The following PPP4R3A variants were observed in gnomAD, a reference collection of about 807,000 sequenced individuals.
The protein encoded by PPP4R3A is serine/threonine-protein phosphatase 4 regulatory subunit 3A.
Under a neutral mutation model 91.7 loss-of-function variants are expected in PPP4R3A, and 15 were observed. That is an observed-to-expected ratio of 0.16 (90% CI 0.11 to 0.25). PPP4R3A has a LOEUF of 0.25. Among genes scored for constraint, PPP4R3A ranks in the 10% least tolerant of loss-of-function variants. The probability of loss-of-function intolerance (pLI) is 1.00; values close to 1 mark genes in which losing one functional copy is unlikely to be tolerated. For missense variants in PPP4R3A, 623 were observed against 998.4 expected (o/e 0.62, Z 5.07); for synonymous variants, 377 against 348.7 (o/e 1.08, Z -0.91).
At chr14:91,502,320 G>A (rs778547564) in intron 1 of PPP4R3A, among the ~76,000 whole-genome samples, 23 of 152,074 alleles carry the variant, frequency 1.5e-4, no homozygotes, top group Middle Eastern at 3.2e-3. Flanking sequence ...CAGCTACTTG[G>A]GAGGCTAAGG....
intron 1 of PPP4R3A, among the ~76,000 whole-genome samples, chr14:91,499,228 G>A (rs911085517): frequency 2.6e-5 from 4 of 151,250 alleles, no homozygotes; most frequent in African/African-American, 9.7e-5. Context: ...TCACACCACT[G>A]CACTCCAGCC....
At chr14:91,492,994 G>A (rs1339027755) in intron 1 of PPP4R3A, among the ~76,000 whole-genome samples, 1 of 152,206 alleles carries the variant, frequency 6.6e-6, no homozygotes, top group Admixed American at 6.5e-5. Flanking sequence ...GGGAAGCTGA[G>A]GTGGGAGGAT....
chr14:91,509,400 C>G (rs571631085), intron 1 of PPP4R3A, 106 bp downstream of exon 1: 6 of 1,481,160 alleles, frequency 4.1e-6, no homozygotes, highest in African/African-American at 1.4e-5. Context: ...CCCTCCCCAG[C>G]CGTCCCTCTG....
rs115153838 is a variant in PPP4R3A at position 91,476,894 on chromosome 14, T to C, written c.993+15A>G. 1,608 of 1,573,230 alleles carry C rather than the reference T, an allele frequency of 1.0e-3. 11 individuals carry two copies. In the African/African-American group the frequency reaches 0.019, roughly 19 times the overall value. On this transcript the variant is annotated intron_variant, in intron 5 of 14. Coordinates refer to ENST00000554943, the MANE Select transcript of PPP4R3A (RefSeq NM_001366432.2). ...TGTTTTATTTTTATGCCTTTCATAG[T>C]ATCTAATTTCTTACCAATTCCTGTC...
chr14:91,480,124 C>A (rs866356029), intron 4 of PPP4R3A, among the ~76,000 whole-genome samples: 10 of 151,928 alleles, frequency 6.6e-5, no homozygotes, highest in African/African-American at 2.4e-5. Flanking sequence ...CCTAAAACAC[C>A]AGATCAGAGA....
chr14:91,507,447 T>TAGTATATATACTATAATTATACTAC (rs1566660458), intron 1 of PPP4R3A, among the ~76,000 whole-genome samples: 1 of 111,136 alleles, frequency 9.0e-6, no homozygotes, highest in Non-Finnish European at 1.9e-5. Context: ...ATATATACTA[T>TAGTATATATACTATAATTATACTAC]ATAGTATATA....
Position 91,509,537 on chromosome 14 carries a change from G to T in PPP4R3A, c.111C>A (p.Gly37=). ...VSSGYVERLK[G]MSLLVRAESD... is the part of the protein sequence containing the mutation. Reference sequence around the variant, plus strand: ...TCTCAGCCCTGACAAGCAGGGACATGCCCTTCAGCCGCTCCACGTAGCCAG... The same window carrying T: ...TCTCAGCCCTGACAAGCAGGGACATTCCCTTCAGCCGCTCCACGTAGCCAG... The change falls in exon 1 of 15, where the codon GGC becomes GGA. Residue 37 remains glycine (G), a synonymous_variant. Transcript: ENST00000554943. 1 of 1,598,338 alleles carries T rather than the reference G, an allele frequency of 6.3e-7. No homozygotes were observed.
intron 1 of PPP4R3A, among the ~76,000 whole-genome samples, chr14:91,503,990 G>A (rs752259033): frequency 3.3e-5 from 5 of 151,930 alleles, no homozygotes; most frequent in African/African-American, 7.3e-5. Context: ...CACTTTAGGC[G>A]GCCAAGTGGG....
At chr14:91,466,380 A>G in intron 10 of PPP4R3A, 1 of 985,834 alleles carries the variant, frequency 1.0e-6, no homozygotes, top group Non-Finnish European at 1.2e-6. Context: ...CAAGTCCTTC[A>G]TGAGCAGGTA....
chr14:91,509,948 C>A lies in PPP4R3A; in HGVS notation c.-301G>T, dbSNP rs1018036754. Reference sequence around the variant, plus strand: ...CTTCGTAGCCTCCCGCCCCGCAGCGCTAGGAACTCGGGGCTCCCGTCACTG... The same window carrying A: ...CTTCGTAGCCTCCCGCCCCGCAGCGATAGGAACTCGGGGCTCCCGTCACTG... On this transcript the variant is annotated 5_prime_UTR_variant, in exon 1 of 15. Transcript: ENST00000554943. 2 of 1,025,646 alleles carry A rather than the reference C, an allele frequency of 1.9e-6. No individual in the cohort carries two copies. The highest frequency in any genetic ancestry group is 1.7e-5 in the African/African-American group (1 of 58,542). The allele number at this position is 1,025,646 out of a possible 1,614,324, so 63.5% of individuals were successfully genotyped here. A position where few individuals can be genotyped will look rare whatever the true frequency, so the allele number is the denominator to read the frequency against.
At chr14:91,459,312 G>A (rs572519135) in intron 14 of PPP4R3A, among the ~76,000 whole-genome samples, 2 of 152,066 alleles carry the variant, frequency 1.3e-5, no homozygotes, top group African/African-American at 4.8e-5. Flanking sequence ...TGTCATGTTG[G>A]CCAGCCTGGT....
In PPP4R3A at chr14:91,458,860, C is replaced by G; in HGVS notation, c.2401G>C (p.Val801Leu). The G allele has an allele frequency of 6.2e-7, 1 of 1,611,016 alleles. No individual in the cohort carries two copies. The highest frequency in any genetic ancestry group is 2.2e-5 in the East Asian group (1 of 44,826). ...TCATCAGGATAATCTACCAGACCCA[C>G]GAGGCCTCCCTGTTAAGAAATAAGG... ...TAAITTKGGL[V>L]GLVDYPDDDE... The change falls in exon 15 of 15, where the codon GTG becomes CTG. Residue 801 changes from valine to leucine, a missense_variant. This residue lies in a region of PPP4R3A where 201 missense variants were observed against 229.9 expected (regional missense o/e 0.87). Coordinates refer to ENST00000554943, the MANE Select transcript of PPP4R3A (RefSeq NM_001366432.2).
intron 1 of PPP4R3A, among the ~76,000 whole-genome samples, chr14:91,503,736 CAAAA>C (rs1195013598): frequency 6.6e-6 from 1 of 151,908 alleles, no homozygotes; most frequent in Non-Finnish European, 1.5e-5. Context: ...GAAGAAAAAA[CAAAA>C]GAAAGAAAAG....
At chr14:91,476,008 T>C in intron 6 of PPP4R3A, 42 bp from the exon 7 acceptor site, 9 of 1,495,054 alleles carry the variant, frequency 6.0e-6, no homozygotes, top group Non-Finnish European at 8.0e-6. Context: ...TTTATAAAAA[T>C]ACGGAACCTA....
intron 1 of PPP4R3A, among the ~76,000 whole-genome samples, chr14:91,501,871 A>ATTTTTTTTTTTTT (rs755484959): frequency 1.0e-5 from 1 of 100,238 alleles, no homozygotes; most frequent in Non-Finnish European, 1.9e-5. Flanking sequence ...AGCCCGGCTA[A>ATTTTTTTTTTTTT]TTTTTTTTTT....
At chr14:91,481,295 T>C (rs547838491) in intron 4 of PPP4R3A, among the ~76,000 whole-genome samples, 1 of 152,110 alleles carries the variant, frequency 6.6e-6, no homozygotes, top group East Asian at 1.9e-4. Flanking sequence ...TGAGACTGCA[T>C]TATTGCCCTA....
rs1889212298 is a variant in PPP4R3A at position 91,476,483 on chromosome 14, T to C, written c.1035A>G (p.Leu345=). 6.2e-7 allele frequency: 1 copy of C among 1,608,888 alleles called. No individual in the cohort carries two copies. ...LKEFCAFSQT[L]QPQNRDAFFK... is the part of the protein sequence containing the mutation. ...AAAAAGCATCTCTGTTTTGAGGCTGTAGCGTTTGGGAAAACGCACAAAATT... is the reference window on the plus strand; with the variant it reads ...AAAAAGCATCTCTGTTTTGAGGCTGCAGCGTTTGGGAAAACGCACAAAATT... Residue 345 remains leucine, a synonymous_variant, in exon 6 of 15, where the codon CTA becomes CTG. Transcript: ENST00000554943.
intron 3 of PPP4R3A, 141 bp downstream of exon 3, chr14:91,485,491 C>T (rs2140122206): frequency 1.6e-6 from 1 of 642,648 alleles, no homozygotes; most frequent in East Asian, 2.8e-5. Flanking sequence ...ATTACACCTT[C>T]CTTTAAATCA....
chr14:91,493,551 T>C (rs1187475970), intron 1 of PPP4R3A, among the ~76,000 whole-genome samples: 1 of 150,296 alleles, frequency 6.7e-6, no homozygotes, highest in East Asian at 1.9e-4. Flanking sequence ...CCCAGCACTT[T>C]GGGAGGTCGA....
Sources: allele counts gnomAD v4.1 joint callset (sites outside exome capture counted in the v4.1 genomes callset), GRCh38; gene constraint gnomAD v4.1.1; regional missense constraint gnomAD v4.1.1; transcripts MANE v1.5; gene names NCBI Gene and HGNC (gene_info 2026-07-23, HGNC 2026-07-21).